RPH3A: variants seen among roughly 807,000 people sequenced by gnomAD.
The protein encoded by RPH3A is rabphilin 3A.
In RPH3A, 48 loss-of-function variants were observed where a neutral mutation model predicts 102.2. The observed-to-expected ratio is 0.47, with a 90% CI of 0.37 to 0.60. The LOEUF is 0.60. Among genes scored for constraint, RPH3A ranks in the 20% least tolerant of loss-of-function variants. The probability of loss-of-function intolerance (pLI) is 0.00; values close to 1 mark genes in which losing one functional copy is unlikely to be tolerated. For missense variants in RPH3A, 781 were observed against 910.1 expected, an observed-to-expected ratio of 0.86 and a Z score of 1.83; for synonymous variants, 310 against 324.3, an observed-to-expected ratio of 0.96 and a Z score of 0.47.
chr12:112,823,136 G>A (rs2041809555), intron 2 of RPH3A, among the ~76,000 whole-genome samples: 1 of 152,230 alleles, frequency 6.6e-6, no homozygotes, highest in South Asian at 2.1e-4. Context: ...TGTCTCTGAG[G>A]CTGAGAGGTG....
intron 1 of RPH3A, among the ~76,000 whole-genome samples, chr12:112,775,297 C>T (rs955807456): frequency 6.6e-6 from 1 of 152,122 alleles, no homozygotes; most frequent in Non-Finnish European, 1.5e-5. Context: ...AAAAAGGGAA[C>T]ATAACATATG....
chr12:112,735,211 C>G (rs1372454179), intron 1 of RPH3A, among the ~76,000 whole-genome samples: 1 of 152,220 alleles, frequency 6.6e-6, no homozygotes, highest in Non-Finnish European at 1.5e-5. Context: ...ATCGATTATC[C>G]TGGCTGACAG....
chr12:112,862,634 C>A (rs1177008194), intron 5 of RPH3A, among the ~76,000 whole-genome samples: 2 of 151,242 alleles, frequency 1.3e-5, no homozygotes, highest in African/African-American at 2.4e-5. Flanking sequence ...TTGAGAAGAG[C>A]GTGCTGCCTT....
chr12:112,700,266 A>G (rs2040383930), intron 1 of RPH3A, among the ~76,000 whole-genome samples: 1 of 152,114 alleles, frequency 6.6e-6, no homozygotes, highest in African/African-American at 2.4e-5. Context: ...ACAGGGTTTC[A>G]TCATGTTGGT....
At chr12:112,821,082 G>A (rs143911615) in intron 2 of RPH3A, among the ~76,000 whole-genome samples, 15 of 152,170 alleles carry the variant, frequency 9.9e-5, no homozygotes, top group Admixed American at 2.0e-4. Context: ...AGCCTGTACC[G>A]TCTGGACGGG....
chr12:112,759,905 C>G (rs1042823476), intron 1 of RPH3A, among the ~76,000 whole-genome samples: 1 of 152,142 alleles, frequency 6.6e-6, no homozygotes, highest in Non-Finnish European at 1.5e-5. Flanking sequence ...ATTGATCAGC[C>G]CTGAGAACCA....
chr12:112,604,949 G>A (rs944463421), intron 1 of RPH3A, among the ~76,000 whole-genome samples: 5 of 152,308 alleles, frequency 3.3e-5, no homozygotes, highest in Non-Finnish European at 2.9e-5. Flanking sequence ...GTGACCTAGC[G>A]TCTGAAGTTG....
At chr12:112,881,340 C>G (rs2042905989) in intron 14 of RPH3A, among the ~76,000 whole-genome samples, 1 of 152,194 alleles carries the variant, frequency 6.6e-6, no homozygotes, top group African/African-American at 2.4e-5. Flanking sequence ...GCAGGAGCAT[C>G]CTCCTTCCCC....
chr12:112,674,339 G>A (rs1034719520), intron 1 of RPH3A, among the ~76,000 whole-genome samples: 7 of 152,254 alleles, frequency 4.6e-5, no homozygotes, highest in African/African-American at 1.7e-4. Context: ...GCTGCCTAAC[G>A]ACTGAGGAGG....
chr12:112,790,542 G>C (rs1215019237), upstream of RPH3A, among the ~76,000 whole-genome samples: 1 of 152,178 alleles, frequency 6.6e-6, no homozygotes, highest in Non-Finnish European at 1.5e-5. Flanking sequence ...GAAGTTCTAA[G>C]CAGATCTTGG....
intron 1 of RPH3A, among the ~76,000 whole-genome samples, chr12:112,764,530 C>T (rs1025819540): frequency 6.6e-6 from 1 of 152,132 alleles, no homozygotes; most frequent in East Asian, 1.9e-4. Flanking sequence ...CAGATTTCCC[C>T]AACAAAAGAC....
At chr12:112,856,056 T>G (rs2042405213) in intron 5 of RPH3A, among the ~76,000 whole-genome samples, 1 of 152,192 alleles carries the variant, frequency 6.6e-6, no homozygotes, top group African/African-American at 2.4e-5. Context: ...CTGCTCTGGC[T>G]GCATCCCATC....
chr12:112,824,662 T>C (rs2041836733), intron 2 of RPH3A, among the ~76,000 whole-genome samples: 1 of 152,142 alleles, frequency 6.6e-6, no homozygotes, highest in African/African-American at 2.4e-5. Flanking sequence ...CCTGGGATGT[T>C]AAGTGCATTG....
chr12:112,699,015 G>T (rs993389593), intron 1 of RPH3A, among the ~76,000 whole-genome samples: 2 of 151,404 alleles, frequency 1.3e-5, no homozygotes, highest in African/African-American at 4.9e-5. Flanking sequence ...TGACCTCCTG[G>T]ACTCAAGTGA....
intron 1 of RPH3A, among the ~76,000 whole-genome samples, chr12:112,576,270 C>T (rs1056396273): frequency 2.6e-4 from 40 of 152,188 alleles, no homozygotes; most frequent in Admixed American, 2.0e-4. Flanking sequence ...CTGTGGGGGT[C>T]GCCAGGAGCG....
chr12:112,802,415 T>C (rs2041370711), intron 2 of RPH3A, among the ~76,000 whole-genome samples: 1 of 151,930 alleles, frequency 6.6e-6, no homozygotes, highest in African/African-American at 2.4e-5. Context: ...TGCTTGAGAG[T>C]GAAATAAGAT....
intron 1 of RPH3A, among the ~76,000 whole-genome samples, chr12:112,637,147 T>C (rs947508333): frequency 2.0e-5 from 3 of 152,168 alleles, no homozygotes; most frequent in African/African-American, 7.2e-5. Flanking sequence ...CATAATAACA[T>C]CTTTATAATC....
At position 112,726,615 on chromosome 12, in the gene RPH3A, C is replaced by A. The variant is rs183473888; in HGVS notation, c.-139-65528C>A. On this transcript the variant is annotated intron_variant, in intron 1 of 21. Coordinates refer to the RPH3A transcript ENST00000543106. The stretch of plus-strand genomic sequence containing the variant: ...AGATTCAATAATTATAAAAGTTTGG[C>A]CATACTTACTTCATTTTTCCCCCTT... 3.9e-5 allele frequency among the ~76,000 whole-genome samples: 6 copies of A among 152,310 alleles called. No homozygotes were observed. The East Asian group carries it at 9.6e-4, about 24-fold the overall frequency.
chr12:112,853,351 A>G lies in RPH3A; in HGVS notation c.230+5509A>G, dbSNP rs1170149392. On this transcript the variant is annotated intron_variant, in intron 5 of 21. Transcript: ENST00000389385. Reference sequence around the variant, plus strand: ...TTGGGGGCATTCTGATATTATCAACATATTTATGCATGTGTCTATGTGCAT... The same window carrying G: ...TTGGGGGCATTCTGATATTATCAACGTATTTATGCATGTGTCTATGTGCAT... Among the ~76,000 whole-genome samples the G allele has an allele frequency of 1.6e-4, 24 of 152,264 alleles. 1 individual carries two copies.
Sources: allele counts gnomAD v4.1 joint callset (sites outside exome capture counted in the v4.1 genomes callset), GRCh38; gene constraint gnomAD v4.1.1; transcripts MANE v1.5; gene names NCBI Gene and HGNC (gene_info 2026-07-23, HGNC 2026-07-21).